Variants in PCDH7 observed in about 807,000 individuals in gnomAD.
PCDH7 encodes the protein protocadherin 7.
Under a neutral mutation model 58.9 loss-of-function variants are expected in PCDH7, and 17 were observed. The ratio of observed to expected loss-of-function variants is 0.29; its 90% CI spans 0.20 to 0.43. The LOEUF is 0.43. Among genes scored for constraint, PCDH7 ranks in the 20% least tolerant of loss-of-function variants. The pLI is 1.00. For missense variants in PCDH7, 1,274 were observed against 1,441.0 expected (o/e 0.88, Z 1.88); for synonymous variants, 664 against 616.4 (o/e 1.08, Z -1.14).
chr4:30,761,537 T>A (rs551017212), intron 1 of PCDH7, among the ~76,000 whole-genome samples: 26 of 152,292 alleles, frequency 1.7e-4, no homozygotes, highest in African/African-American at 5.8e-4. Context: ...TTTAAAAATT[T>A]AATCTTCAAA....
rs572853526 is a variant in PCDH7, at chr4:30,931,582, T to A, written c.287+11213T>A. Among the ~76,000 whole-genome samples, 254 of 151,474 alleles carry A rather than the reference T, an allele frequency of 1.7e-3. 1 individual carries two copies. The highest frequency in any genetic ancestry group is 5.3e-3 in the African/African-American group (220 of 41,370). On this transcript the variant is annotated intron_variant, in intron 2 of 3. Transcript: ENST00000509759. ...AGAGCGAAACTCCATCTCAAAAAAA[T>A]ATATATATAAATATATATATGTAGT...
intron 1 of PCDH7, among the ~76,000 whole-genome samples, chr4:30,750,885 A>T (rs1401232892): frequency 1.3e-5 from 2 of 151,268 alleles, no homozygotes; most frequent in African/African-American, 4.9e-5. Context: ...TGGAAATACT[A>T]TTTTTTTTTC....
At chr4:30,789,353 AT>A (rs1723817963) in intron 1 of PCDH7, among the ~76,000 whole-genome samples, 1 of 152,174 alleles carries the variant, frequency 6.6e-6, no homozygotes, top group Non-Finnish European at 1.5e-5. Context: ...GATCAGCCTG[AT>A]TGAGTTCAGA....
chr4:31,124,099 C>T (rs906945931), intron 3 of PCDH7, among the ~76,000 whole-genome samples: 1 of 152,032 alleles, frequency 6.6e-6, no homozygotes, highest in East Asian at 1.9e-4. Flanking sequence ...AGGCAACATT[C>T]GAGCAGGAGA....
intron 3 of PCDH7, among the ~76,000 whole-genome samples, chr4:31,019,253 T>A (rs1167394314): frequency 6.6e-6 from 1 of 152,096 alleles, no homozygotes; most frequent in Admixed American, 6.6e-5. Flanking sequence ...TATATAGTCT[T>A]AAAATGATTT....
intron 3 of PCDH7, among the ~76,000 whole-genome samples, chr4:31,056,517 G>GAAAGAAAGAAAGAAA (rs1491230659): frequency 2.1e-5 from 2 of 95,038 alleles, no homozygotes; most frequent in Non-Finnish European, 4.3e-5. Flanking sequence ...AAGAAAGAAA[G>GAAAGAAAGAAAGAAA]GGGAAGGGAA....
intron 3 of PCDH7, among the ~76,000 whole-genome samples, chr4:31,033,518 T>TC (rs1421579975): frequency 2.0e-5 from 3 of 152,196 alleles, no homozygotes; most frequent in African/African-American, 7.2e-5. Flanking sequence ...TCCAATTGCG[T>TC]CATGTTATAC....
chr4:30,872,773 C>T (rs1290367173), intron 1 of PCDH7, among the ~76,000 whole-genome samples: 1 of 152,040 alleles, frequency 6.6e-6, no homozygotes, highest in African/African-American at 2.4e-5. Flanking sequence ...ACAGTATCTC[C>T]TTCTGATGTT....
chr4:30,954,267 C>T (rs1747631644), intron 3 of PCDH7, among the ~76,000 whole-genome samples: 1 of 152,086 alleles, frequency 6.6e-6, no homozygotes. Context: ...TGCCACATGC[C>T]TTTTTGCTGA....
intron 3 of PCDH7, among the ~76,000 whole-genome samples, chr4:31,032,526 T>C (rs1485809895): frequency 1.3e-5 from 2 of 150,628 alleles, no homozygotes; most frequent in African/African-American, 2.4e-5. Flanking sequence ...AAGAATCGTT[T>C]GAATCCAGGA....
intron 1 of PCDH7, among the ~76,000 whole-genome samples, chr4:30,855,445 G>A (rs1456047671): frequency 6.6e-6 from 1 of 152,134 alleles, no homozygotes; most frequent in African/African-American, 2.4e-5. Context: ...TGGCCAGTGG[G>A]CACTGCTGCT....
downstream of PCDH7, among the ~76,000 whole-genome samples, chr4:30,734,693 T>G (rs115861204): frequency 5.1e-3 from 778 of 152,308 alleles, 6 homozygotes; most frequent in African/African-American, 0.018. Context: ...AAGTTTTTTT[T>G]GCCATCACAG....
intron 1 of PCDH7, among the ~76,000 whole-genome samples, chr4:30,833,980 T>C (rs554408296): frequency 1.3e-5 from 2 of 152,334 alleles, no homozygotes; most frequent in South Asian, 4.1e-4. Context: ...CTAAGAACAT[T>C]GTTGCAAACT....
At chr4:31,144,742 A>G (rs1466799212), downstream of PCDH7, 1 of 152,112 alleles carries the variant, frequency 6.6e-6, no homozygotes, top group Non-Finnish European at 1.5e-5. Flanking sequence ...CTCTTTCTTA[A>G]ATGGAGTTTT....
intron 1 of PCDH7, among the ~76,000 whole-genome samples, chr4:30,848,161 C>A (rs1336498916): frequency 1.3e-5 from 2 of 152,218 alleles, no homozygotes; most frequent in East Asian, 3.9e-4. Context: ...TCTGGACTAA[C>A]TTCTTTCTGA....
chr4:30,792,935 C>T (rs566255539), intron 1 of PCDH7, among the ~76,000 whole-genome samples: 1 of 152,182 alleles, frequency 6.6e-6, no homozygotes, highest in Admixed American at 6.6e-5. Flanking sequence ...TTTAAAAAAC[C>T]CTGCATACTT....
chr4:30,792,027 CA>C (rs1250051673), intron 1 of PCDH7, among the ~76,000 whole-genome samples: 3 of 152,062 alleles, frequency 2.0e-5, no homozygotes, highest in Admixed American at 6.6e-5. Flanking sequence ...GATTTTATTT[CA>C]AAAGTTTTTC....
intron 3 of PCDH7, among the ~76,000 whole-genome samples, chr4:31,068,689 C>T (rs765756190): frequency 1.3e-5 from 2 of 151,944 alleles, no homozygotes; most frequent in Non-Finnish European, 2.9e-5. Flanking sequence ...GGAAGCAGGA[C>T]GTCTCCCTAA....
At chr4:30,775,892 A>G (rs974153930) in intron 1 of PCDH7, among the ~76,000 whole-genome samples, 4 of 151,992 alleles carry the variant, frequency 2.6e-5, no homozygotes, top group African/African-American at 9.7e-5. Context: ...GTGAAACTCC[A>G]TTGCAAAAAA....
Sources: allele counts gnomAD v4.1 joint callset (sites outside exome capture counted in the v4.1 genomes callset), GRCh38; gene constraint gnomAD v4.1.1; transcripts MANE v1.5; gene names NCBI Gene and HGNC (gene_info 2026-07-23, HGNC 2026-07-21).